The following IL1RAPL2 variants were observed in gnomAD, a reference collection of about 807,000 sequenced individuals.
The protein encoded by IL1RAPL2 is interleukin 1 receptor accessory protein like 2, also known as X-linked interleukin-1 receptor accessory protein-like 2.
In IL1RAPL2, 3 loss-of-function variants were observed where a neutral mutation model predicts 44.1. The ratio of observed to expected loss-of-function variants is 0.07; its 90% CI spans 0.03 to 0.18. The LOEUF is 0.18. IL1RAPL2 is among the 10% of genes least tolerant of loss of function. The pLI is 1.00. For missense variants in IL1RAPL2, 391 were observed against 496.4 expected (o/e 0.79, Z 2.02); for synonymous variants, 181 against 178.8 (o/e 1.01, Z -0.10).
At chrX:105,122,553 C>T (rs2032935521) in intron 2 of IL1RAPL2, among the ~76,000 whole-genome samples, 1 of 111,418 alleles carries the variant, frequency 9.0e-6, no homozygotes, top group South Asian at 3.7e-4. Flanking sequence ...GCCCATTGCT[C>T]TCTGGGGAAT....
intron 2 of IL1RAPL2, among the ~76,000 whole-genome samples, chrX:104,893,676 T>C (rs2147667479): frequency 8.9e-6 from 1 of 111,885 alleles, no homozygotes; most frequent in East Asian, 2.8e-4. Context: ...TGAGTCTATG[T>C]GTGTTTCTGC....
chrX:104,831,406 AC>A (rs1446129448), intron 2 of IL1RAPL2, among the ~76,000 whole-genome samples: 1 of 111,803 alleles, frequency 8.9e-6, no homozygotes, highest in African/African-American at 3.2e-5. Flanking sequence ...TTTAATCCTT[AC>A]AAACACTGTA....
At chrX:105,165,692 A>G (rs189590863) in intron 2 of IL1RAPL2, among the ~76,000 whole-genome samples, 1 of 112,136 alleles carries the variant, frequency 8.9e-6, no homozygotes, top group African/African-American at 3.2e-5. Flanking sequence ...ACATTTACCC[A>G]TATGCTCTAG....
intron 5 of IL1RAPL2, among the ~76,000 whole-genome samples, chrX:105,310,499 G>T (rs189596227): frequency 1.8e-5 from 2 of 110,558 alleles, no homozygotes; most frequent in Admixed American, 1.9e-4. Flanking sequence ...CCTTTTTTCT[G>T]CCTACTTTGG....
intron 1 of IL1RAPL2, among the ~76,000 whole-genome samples, chrX:104,600,184 T>C (rs894504872): frequency 8.0e-5 from 9 of 111,858 alleles, no homozygotes; most frequent in African/African-American, 2.9e-4. Context: ...AAAGAATTAG[T>C]GTTTCCAGTT....
chrX:105,412,801 A>T (rs1041764680), intron 5 of IL1RAPL2, among the ~76,000 whole-genome samples: 3 of 111,924 alleles, frequency 2.7e-5, no homozygotes, highest in African/African-American at 9.7e-5. Flanking sequence ...TGTACTCCAT[A>T]AGTATGTACA....
At chrX:104,786,924 T>A (rs1158153646) in intron 2 of IL1RAPL2, among the ~76,000 whole-genome samples, 2 of 7,904 alleles carry the variant, frequency 2.5e-4, no homozygotes, top group African/African-American at 7.0e-4. Context: ...TCATATTCTC[T>A]CTCTCTCTCT....
At chrX:104,721,063 G>T (rs142805188) in intron 2 of IL1RAPL2, among the ~76,000 whole-genome samples, 1 of 111,265 alleles carries the variant, frequency 9.0e-6, no homozygotes, top group Non-Finnish European at 1.9e-5. Context: ...AAATAGGAAC[G>T]CTTTTACACT....
chrX:105,007,893 A>G (rs1326585945), intron 2 of IL1RAPL2, among the ~76,000 whole-genome samples: 2 of 114,761 alleles, frequency 1.7e-5, no homozygotes, highest in Non-Finnish European at 3.7e-5. Flanking sequence ...AGAAAAGTCT[A>G]TAGTAAGAAA....
chrX:104,749,311 G>C (rs1168468519), intron 2 of IL1RAPL2, among the ~76,000 whole-genome samples: 12 of 110,919 alleles, frequency 1.1e-4, no homozygotes, highest in South Asian at 7.6e-4. Context: ...CCTGACTCTG[G>C]CTTGAAGTTT....
intron 2 of IL1RAPL2, among the ~76,000 whole-genome samples, chrX:105,012,584 G>A (rs1002856402): frequency 2.3e-5 from 2 of 85,738 alleles, no homozygotes; most frequent in Non-Finnish European, 4.5e-5. Context: ...GCACAGGCAA[G>A]GCTAACTTTC....
At chrX:105,742,301 G>A (rs2038506837) in intron 8 of IL1RAPL2, among the ~76,000 whole-genome samples, 2 of 111,399 alleles carry the variant, frequency 1.8e-5, no homozygotes, top group African/African-American at 6.5e-5. Context: ...CTTTGGAGGA[G>A]TGAGAATGCA....
Position 104,633,847 on chromosome X carries a change from G to T in IL1RAPL2, c.-19-25048G>T, listed in dbSNP as rs193165195. Among the ~76,000 whole-genome samples, 468 of 111,304 alleles carry T rather than the reference G, an allele frequency of 4.2e-3. 4 individuals are homozygous for T. Among genetic ancestry groups the T allele is most frequent in the African/African-American group, 0.014 (438 of 30,627 alleles). Reference sequence around the variant, plus strand: ...TTTTTTTGTGTCTCTATTTCCTTCAGTTCTGCTCTGGTCTTAGTTATTTCT... The same window carrying T: ...TTTTTTTGTGTCTCTATTTCCTTCATTTCTGCTCTGGTCTTAGTTATTTCT... On this transcript the variant is annotated intron_variant, in intron 1 of 10. Transcript: ENST00000372582.
rs1461494368 is a variant in IL1RAPL2, at chrX:105,042,993, C to G, written c.83-152482C>G. 2.9e-5 allele frequency among the ~76,000 whole-genome samples: 3 copies of G among 101,828 alleles called. No homozygotes were observed. The East Asian group carries it at 9.7e-4, about 33-fold the overall frequency. 88.4% of individuals were successfully genotyped at this position (101,828 alleles called of 115,157 possible). Reference sequence around the variant, plus strand: ...TATCGCAAGAACAAAAAAACAAACACCGCATATTCTCACTCATAGGTGGGA... The same window carrying G: ...TATCGCAAGAACAAAAAAACAAACAGCGCATATTCTCACTCATAGGTGGGA... On this transcript the variant is annotated intron_variant, in intron 2 of 10. Coordinates refer to ENST00000372582, the MANE Select transcript of IL1RAPL2 (RefSeq NM_017416.2).
At chrX:105,029,512 T>C (rs1301452170) in intron 2 of IL1RAPL2, among the ~76,000 whole-genome samples, 4 of 105,198 alleles carry the variant, frequency 3.8e-5, no homozygotes, top group Non-Finnish European at 3.9e-5. Context: ...TTTGGTTTTT[T>C]GTCCTTGTGA....
chrX:105,285,374 G>A (rs2096834741), intron 5 of IL1RAPL2, among the ~76,000 whole-genome samples: 1 of 111,830 alleles, frequency 8.9e-6, no homozygotes, highest in Admixed American at 9.5e-5. Flanking sequence ...AGTTTATCCT[G>A]TCCTATTAAC....
At chrX:104,879,088 C>T (rs931029547) in intron 2 of IL1RAPL2, among the ~76,000 whole-genome samples, 2 of 109,909 alleles carry the variant, frequency 1.8e-5, no homozygotes, top group Non-Finnish European at 3.8e-5. Flanking sequence ...GGGAAAGAAT[C>T]GGATTCTTTG....
intron 2 of IL1RAPL2, among the ~76,000 whole-genome samples, chrX:104,702,603 A>G (rs1191756810): frequency 3.6e-5 from 4 of 112,194 alleles, no homozygotes; most frequent in East Asian, 2.8e-4. Context: ...AAAAGAATAT[A>G]TGGAGATTTG....
intron 6 of IL1RAPL2, among the ~76,000 whole-genome samples, chrX:105,703,130 A>G (rs2038133880): frequency 9.0e-6 from 1 of 111,606 alleles, no homozygotes; most frequent in Admixed American, 9.5e-5. Context: ...TCTCAGCACT[A>G]TTGACATTTG....
Sources: allele counts gnomAD v4.1 joint callset (sites outside exome capture counted in the v4.1 genomes callset), GRCh38; gene constraint gnomAD v4.1.1; transcripts MANE v1.5; gene names NCBI Gene and HGNC (gene_info 2026-07-23, HGNC 2026-07-21).